C12orf56: variants seen among roughly 807,000 people sequenced by gnomAD.
C12orf56 encodes uncharacterized protein C12orf56.
C12orf56 carries 71 observed loss-of-function variants against 69.9 expected under a neutral mutation model. That is an observed-to-expected ratio of 1.02 (90% CI 0.84 to 1.24). The LOEUF (loss-of-function observed/expected upper bound fraction) is 1.24, where lower values mean the gene tolerates loss of function less well. Ranked by LOEUF, C12orf56 falls within the 50% of genes most tolerant of loss-of-function variation. The pLI is 0.00. For missense variants in C12orf56, 732 were observed against 738.5 expected (o/e 0.99, Z 0.10); for synonymous variants, 276 against 274.1 (o/e 1.01, Z -0.07).
intron 1 of C12orf56, among the ~76,000 whole-genome samples, chr12:64,386,400 T>TATA (rs1565786009): frequency 4.3e-4 from 43 of 99,234 alleles, no homozygotes; most frequent in South Asian, 3.4e-3. Context: ...ATATATATAT[T>TATA]TTTTTTTTTT....
intron 2 of C12orf56, among the ~76,000 whole-genome samples, chr12:64,339,164 C>G (rs1221991126): frequency 6.6e-6 from 1 of 152,136 alleles, no homozygotes; most frequent in Non-Finnish European, 1.5e-5. Context: ...GAAGTTTCCC[C>G]TGCCATGTAA....
chr12:64,338,862 T>A (rs2039033606), intron 2 of C12orf56: 2 of 713,414 alleles, frequency 2.8e-6, no homozygotes, highest in South Asian at 1.6e-5. Flanking sequence ...GTGGGAGGAA[T>A]GGGCAGAGGA....
chr12:64,326,721 C>T (rs1027012432), intron 3 of C12orf56, among the ~76,000 whole-genome samples: 2 of 137,520 alleles, frequency 1.5e-5, no homozygotes, highest in South Asian at 2.5e-4. Flanking sequence ...GCCTGGGCGA[C>T]GGAGCTAGAC....
chr12:64,388,162 T>A (rs1450813506), intron 1 of C12orf56, among the ~76,000 whole-genome samples: 1 of 152,122 alleles, frequency 6.6e-6, no homozygotes, highest in Non-Finnish European at 1.5e-5. Context: ...GGTCTCGAAC[T>A]CCTGACCTCA....
At chr12:64,367,893 T>C (rs2039519695) in intron 1 of C12orf56, among the ~76,000 whole-genome samples, 1 of 151,032 alleles carries the variant, frequency 6.6e-6, no homozygotes, top group African/African-American at 2.4e-5. Flanking sequence ...CTGCAACCTC[T>C]ACCTCCCGGG....
At chr12:64,371,899 ATTTCT>A (rs546794208) in intron 1 of C12orf56, among the ~76,000 whole-genome samples, 167 of 139,138 alleles carry the variant, frequency 1.2e-3, no homozygotes, top group African/African-American at 4.3e-3. Flanking sequence ...CTTGGCAATG[ATTTCT>A]TTTTTTTTTT....
At chr12:64,332,024 G>A (rs553115037) in intron 2 of C12orf56, among the ~76,000 whole-genome samples, 1 of 152,072 alleles carries the variant, frequency 6.6e-6, no homozygotes, top group East Asian at 1.9e-4. Context: ...AGTGCCCCTG[G>A]CCAGGTGCGG....
intron 6 of C12orf56, among the ~76,000 whole-genome samples, chr12:64,294,218 C>G (rs1210602993): frequency 1.3e-5 from 2 of 151,654 alleles, no homozygotes; most frequent in Non-Finnish European, 2.9e-5. Flanking sequence ...GGAATCGAAA[C>G]CCTTATATAC....
rs1427367139 is a variant in C12orf56, at chr12:64,365,885, T to G, written c.253-12829A>C. 2.2e-5 allele frequency among the ~76,000 whole-genome samples: 3 copies of G among 136,546 alleles called. No individual in the cohort carries two copies. The East Asian group carries it at 6.2e-4, about 28-fold the overall frequency. 89.6% of individuals were successfully genotyped at this position (136,546 alleles called of 152,430 possible). On this transcript the variant is annotated intron_variant, in intron 1 of 12. Transcript: ENST00000543942. ...TAGTGTATATATTATACATTATATA[T>G]AGTGTATATATTATACATTATGTAT... is the stretch of plus-strand genomic sequence containing the variant.
At chr12:64,341,755 A>T (rs908125171) in intron 2 of C12orf56, among the ~76,000 whole-genome samples, 3 of 152,048 alleles carry the variant, frequency 2.0e-5, no homozygotes, top group Non-Finnish European at 4.4e-5. Flanking sequence ...GCCTAATATA[A>T]TCAACCTGCC....
chr12:64,289,141 GCTCT>G (rs2038251796), intron 6 of C12orf56, among the ~76,000 whole-genome samples: 2 of 126,288 alleles, frequency 1.6e-5, no homozygotes, highest in South Asian at 5.7e-4. Context: ...TCATGATTTG[GCTCT>G]CTGTTTGTCT....
intron 9 of C12orf56, among the ~76,000 whole-genome samples, chr12:64,276,437 A>G (rs2038051932): frequency 6.6e-6 from 1 of 152,166 alleles, no homozygotes; most frequent in South Asian, 2.1e-4. Context: ...CCTTACCTAG[A>G]TTATGGCACT....
Position 64,351,876 on chromosome 12 carries a change from A to AG in C12orf56, c.415+1017_415+1018insC, listed in dbSNP as rs113889144. Among the ~76,000 whole-genome samples the AG allele has an allele frequency of 8.8e-3, 1,329 of 151,046 alleles. 24 individuals carry two copies. The highest frequency in any genetic ancestry group is 0.03 in the African/African-American group (1,247 of 41,220). ...AAACCCTGGGACTCCTTTGGAAAAAAAAAAAGCCACTTTCTTTCCTCTTTC... is the reference window on the plus strand; with the variant it reads ...AAACCCTGGGACTCCTTTGGAAAAAAGAAAAAGCCACTTTCTTTCCTCTTTC... On this transcript the variant is annotated intron_variant, in intron 2 of 12. Transcript: ENST00000543942.
intron 2 of C12orf56, among the ~76,000 whole-genome samples, chr12:64,335,227 G>A (rs578177658): frequency 3.9e-5 from 6 of 152,016 alleles, no homozygotes; most frequent in Admixed American, 6.6e-5. Context: ...GACCAGCCTG[G>A]CCAACATAGA....
rs2037912873 is a variant in C12orf56 at position 64,265,539 on chromosome 12, A to C, written c.*1644T>G. On this transcript the variant is annotated 3_prime_UTR_variant, in exon 13 of 13. Coordinates refer to ENST00000543942, the MANE Select transcript of C12orf56 (RefSeq NM_001170633.2). ...GAGAACTTGGAGAACATCTAGTCCC[A>C]CCCTTCCACCTAGCAGAGGAAGCCC... The C allele has an allele frequency of 6.6e-6, 1 of 152,222 alleles. No homozygotes were observed. The highest frequency in any genetic ancestry group is 1.5e-5 in the Non-Finnish European group (1 of 68,066). The allele number at this position is 152,222 out of a possible 1,614,324, so 9.4% of individuals were successfully genotyped here.
At chr12:64,308,343 A>G (rs977492773) in intron 5 of C12orf56, among the ~76,000 whole-genome samples, 21 of 152,168 alleles carry the variant, frequency 1.4e-4, no homozygotes, top group African/African-American at 5.1e-4. Flanking sequence ...ACATACATAC[A>G]TACATAAATA....
intron 2 of C12orf56, among the ~76,000 whole-genome samples, chr12:64,332,122 T>A (rs1327260922): frequency 6.6e-6 from 1 of 151,816 alleles, no homozygotes; most frequent in Non-Finnish European, 1.5e-5. Flanking sequence ...CTGGCCAACA[T>A]GGTGAAACCC....
chr12:64,273,365 T>C (rs959790340), intron 11 of C12orf56, among the ~76,000 whole-genome samples: 4 of 152,070 alleles, frequency 2.6e-5, no homozygotes, highest in Non-Finnish European at 5.9e-5. Flanking sequence ...TTAGTTTAGA[T>C]TACTCTTTTG....
rs1555188262 is a variant in C12orf56 at position 64,308,959 on chromosome 12, G to GAAAGAAA, written c.968+3713_968+3719dup. Among the ~76,000 whole-genome samples the GAAAGAAA allele has an allele frequency of 1.0e-4, 11 of 109,938 alleles. 1 individual carries two copies. The Admixed American group carries it at 1.1e-3, about 11-fold the overall frequency. 72.1% of individuals were successfully genotyped at this position (109,938 alleles called of 152,430 possible). On this transcript the variant is annotated intron_variant, in intron 5 of 12. Transcript: ENST00000543942. ...AAGAAAGAAGAAAGAAAGAAAGAAA[G>GAAAGAAA]AAAGAAAGAAAGAAAAGAAAGAAAG...
Sources: gnomAD v4.1 joint callset for allele counts (sites outside exome capture counted in the v4.1 genomes callset) on GRCh38, gnomAD v4.1.1 for gene constraint, MANE v1.5 for transcripts, NCBI Gene and HGNC (gene_info 2026-07-23, HGNC 2026-07-21) for gene names.